DDX46: variants seen among roughly 807,000 people sequenced by gnomAD.
The protein encoded by DDX46 is DEAD-box helicase 46, also known as probable ATP-dependent RNA helicase DDX46.
DDX46 carries 30 observed loss-of-function variants against 134.9 expected under a neutral mutation model. The ratio of observed to expected loss-of-function variants is 0.22; its 90% CI spans 0.17 to 0.30. The LOEUF (loss-of-function observed/expected upper bound fraction) is 0.30. Among genes scored for constraint, DDX46 ranks in the 10% least tolerant of loss-of-function variants. The probability of loss-of-function intolerance (pLI) is 1.00; values close to 1 mark genes in which losing one functional copy is unlikely to be tolerated. For synonymous variants in DDX46, 415 were observed against 404.1 expected (o/e 1.03, Z -0.32); for missense variants, 622 against 1,248.7 (o/e 0.50, Z 7.56).
intron 18 of DDX46, among the ~76,000 whole-genome samples, chr5:134,814,123 A>T (rs901682515): frequency 2.4e-4 from 36 of 152,162 alleles, no homozygotes; most frequent in African/African-American, 8.4e-4. Context: ...CATTCATATA[A>T]CTTTTATTAC....
At chr5:134,771,057 TTTTC>T (rs1753751015) in intron 4 of DDX46, 58 bp downstream of exon 4, 1 of 714,754 alleles carries the variant, frequency 1.4e-6, no homozygotes, top group East Asian at 3.0e-5. Flanking sequence ...TCTTTCTTTC[TTTTC>T]TTTCTTTCCC....
intron 21 of DDX46, chr5:134,825,782 TTCTGG>T (rs1755573952): frequency 6.6e-6 from 1 of 152,196 alleles, no homozygotes; most frequent in Non-Finnish European, 1.5e-5. Flanking sequence ...ACTTCTAAAC[TTCTGG>T]TTCATATTTC....
chr5:134,798,914 C>T (rs929806648), intron 15 of DDX46, among the ~76,000 whole-genome samples: 8 of 152,204 alleles, frequency 5.3e-5, no homozygotes, highest in African/African-American at 1.7e-4. Context: ...ATTTGTCCGT[C>T]CTGAACATGC....
intron 11 of DDX46, 96 bp downstream of exon 11, chr5:134,785,682 G>T: frequency 7.2e-7 from 1 of 1,382,594 alleles, no homozygotes; most frequent in Non-Finnish European, 9.7e-7. Flanking sequence ...TTTTTGAATA[G>T]TGATTGCTTC....
At chr5:134,769,266 A>C (rs781498213) in intron 3 of DDX46, among the ~76,000 whole-genome samples, 14 of 151,308 alleles carry the variant, frequency 9.3e-5, no homozygotes, top group Non-Finnish European at 1.8e-4. Context: ...TGAATTTCCA[A>C]ATATTTAGTA....
chr5:134,815,274 C>A (rs1190765610), intron 18 of DDX46, among the ~76,000 whole-genome samples: 1 of 152,086 alleles, frequency 6.6e-6, no homozygotes, highest in East Asian at 1.9e-4. Flanking sequence ...AATTTTTAAG[C>A]CCTAAATAAG....
At chr5:134,759,508 T>A (rs1310978925) in intron 1 of DDX46, among the ~76,000 whole-genome samples, 2 of 151,790 alleles carry the variant, frequency 1.3e-5, no homozygotes, top group South Asian at 4.1e-4. Context: ...GCAGGTAACT[T>A]TGTTACCTGC....
intron 1 of DDX46, among the ~76,000 whole-genome samples, chr5:134,760,344 G>A (rs982654909): frequency 1.3e-5 from 2 of 152,172 alleles, no homozygotes; most frequent in African/African-American, 4.8e-5. Context: ...GAAGGCGCAA[G>A]GTGTTAGAGA....
intron 15 of DDX46, among the ~76,000 whole-genome samples, chr5:134,807,375 A>C (rs934416406): frequency 1.3e-5 from 2 of 152,086 alleles, no homozygotes; most frequent in African/African-American, 4.8e-5. Context: ...CCTTGGACAA[A>C]ACCGAGTAGC....
chr5:134,815,695 A>G (rs1337608750), intron 18 of DDX46, among the ~76,000 whole-genome samples: 1 of 124,230 alleles, frequency 8.0e-6, no homozygotes, highest in Non-Finnish European at 1.6e-5. Context: ...AGACAGAGCG[A>G]GACTCTGTCT....
intron 15 of DDX46, among the ~76,000 whole-genome samples, chr5:134,800,418 CT>C (rs1360630153): frequency 6.6e-6 from 1 of 152,108 alleles, no homozygotes; most frequent in Admixed American, 6.6e-5. Flanking sequence ...AGTTCTTCCC[CT>C]TTTATTGCTG....
chr5:134,762,009 A>G (rs1207911761), intron 1 of DDX46, among the ~76,000 whole-genome samples: 1 of 152,062 alleles, frequency 6.6e-6, no homozygotes, highest in Non-Finnish European at 1.5e-5. Flanking sequence ...TAATCCCAGC[A>G]TTTTGGGATT....
At chr5:134,764,228 T>G (rs1448295001) in intron 2 of DDX46, 136 bp downstream of exon 2, 10 of 776,982 alleles carry the variant, frequency 1.3e-5, no homozygotes, top group Non-Finnish European at 2.0e-5. Context: ...CCCTACTTGT[T>G]TGATTAGACC....
chr5:134,764,749 G>A (rs1753506448), intron 2 of DDX46, among the ~76,000 whole-genome samples: 1 of 151,830 alleles, frequency 6.6e-6, no homozygotes, highest in African/African-American at 2.4e-5. Context: ...TGACCAAGGT[G>A]TTAATTTTCT....
At chr5:134,821,528 GGTTTTTT>G (rs1369559319) in intron 21 of DDX46, among the ~76,000 whole-genome samples, 1 of 146,860 alleles carries the variant, frequency 6.8e-6, no homozygotes, top group African/African-American at 2.6e-5. Context: ...CTTGTTTCTG[GGTTTTTT>G]GTTTTTTTTT....
rs377248193 is a variant in DDX46 at position 134,808,760 on chromosome 5, C to G, written c.2148+819C>G. ...ACTGTATGGGTCTAACTCATTCCTT[C>G]TAGAGGCAGCAGACTAGTCTGTTGT... is the stretch of plus-strand genomic sequence containing the variant. On this transcript the variant is annotated intron_variant, in intron 16 of 22. Transcript: ENST00000452510. Among the ~76,000 whole-genome samples, 238 of 152,234 alleles carry G rather than the reference C, an allele frequency of 1.6e-3. 1 individual carries two copies. The highest frequency in any genetic ancestry group is 5.4e-3 in the African/African-American group (225 of 41,536).
chr5:134,820,847 A>ATCTTT (rs1203972301), intron 21 of DDX46, among the ~76,000 whole-genome samples: 22 of 149,216 alleles, frequency 1.5e-4, no homozygotes, highest in East Asian at 7.8e-4. Flanking sequence ...TGTTAGAGTA[A>ATCTTT]TCTTTTCTTT....
intron 22 of DDX46, among the ~76,000 whole-genome samples, chr5:134,827,760 CAATT>C (rs1257230433): frequency 6.6e-6 from 1 of 151,992 alleles, no homozygotes; most frequent in Non-Finnish European, 1.5e-5. Flanking sequence ...GATTATACAA[CAATT>C]AATTTATATT....
At chr5:134,759,550 G>A (rs1176760611) in intron 1 of DDX46, among the ~76,000 whole-genome samples, 1 of 152,128 alleles carries the variant, frequency 6.6e-6, no homozygotes, top group Non-Finnish European at 1.5e-5. Context: ...TGGACTATGA[G>A]CTCTTATTAG....
Sources: allele counts gnomAD v4.1 joint callset (sites outside exome capture counted in the v4.1 genomes callset), GRCh38; gene constraint gnomAD v4.1.1; transcripts MANE v1.5; gene names NCBI Gene and HGNC (gene_info 2026-07-23, HGNC 2026-07-21).